The following TET2 variants were observed in gnomAD, a reference collection of about 807,000 sequenced individuals.
The protein encoded by TET2 is methylcytosine dioxygenase TET2.
A neutral mutation model predicts 142.9 loss-of-function variants in TET2; 299 were observed. The ratio of observed to expected loss-of-function variants is 2.09; its 90% CI spans 1.90 to 2.30. TET2 has a LOEUF of 2.30. TET2 is among the 30% of genes most tolerant of loss of function. The pLI is 0.00. For synonymous variants in TET2, 819 were observed against 849.0 expected, an observed-to-expected ratio of 0.96 and a Z score of 0.61; for missense variants, 2,418 against 2,378.0, an observed-to-expected ratio of 1.02 and a Z score of -0.35.
intron 6 of TET2, among the ~76,000 whole-genome samples, chr4:105,254,961 G>T (rs1472529757): frequency 1.3e-5 from 2 of 152,132 alleles, no homozygotes; most frequent in Non-Finnish European, 2.9e-5. Context: ...CCCAACACTG[G>T]TTCCTACAGA....
At position 105,276,067 on chromosome 4, in the gene TET2, A is replaced by T; in HGVS notation, c.5557A>T (p.Ser1853Cys). 6.4e-7 allele frequency: 1 copy of T among 1,551,708 alleles called. No individual in the cohort carries two copies. Among genetic ancestry groups the T allele is most frequent in the Non-Finnish European group, 8.7e-7 (1 of 1,146,980 alleles). The change falls in exon 11 of 11, where the codon AGC becomes TGC. Residue 1853 changes from serine to cysteine, a missense_variant. By Grantham distance (112) the Ser-to-Cys change is moderately radical. Coordinates refer to ENST00000380013, the MANE Select transcript of TET2 (RefSeq NM_001127208.3). The stretch of plus-strand genomic sequence containing the variant: ...TGAGGTCTGGTCAGACAGCGAGCAG[A>T]GCTTTCTGGATCCTGACATTGGGGG... ...NDEVWSDSEQ[S>C]FLDPDIGGVA...
At chr4:105,192,919 A>G (rs73836055) in intron 2 of TET2, among the ~76,000 whole-genome samples, 8,921 of 152,196 alleles carry the variant, frequency 0.059, 711 homozygotes, top group African/African-American at 0.18. Flanking sequence ...TAAAGATATA[A>G]AAACAAGCCA....
intron 5 of TET2, 64 bp downstream of exon 5, chr4:105,242,991 C>A: frequency 7.4e-7 from 1 of 1,353,132 alleles, no homozygotes; most frequent in Non-Finnish European, 1.0e-6. Flanking sequence ...TAAATCTGAC[C>A]CTGAGAATTG....
chr4:105,267,739 G>T (rs144514256), intron 8 of TET2, among the ~76,000 whole-genome samples: 2,089 of 150,710 alleles, frequency 0.014, 30 homozygotes, highest in Middle Eastern at 0.055. Context: ...TAATTATAAG[G>T]CAGAGCTTGT....
chr4:105,159,753 C>T (rs1355162488), intron 1 of TET2, among the ~76,000 whole-genome samples: 1 of 152,178 alleles, frequency 6.6e-6, no homozygotes, highest in African/African-American at 2.4e-5. Flanking sequence ...GGATGGCTCA[C>T]GCCTGTAATC....
chr4:105,161,367 G>A (rs1160494597), intron 1 of TET2, among the ~76,000 whole-genome samples: 2 of 152,192 alleles, frequency 1.3e-5, no homozygotes, highest in African/African-American at 4.8e-5. Flanking sequence ...TGCGATGAGA[G>A]TAGGTTGTAG....
intron 2 of TET2, among the ~76,000 whole-genome samples, chr4:105,231,860 C>T (rs1312088153): frequency 1.3e-5 from 2 of 152,140 alleles, no homozygotes; most frequent in Admixed American, 6.5e-5. Context: ...CTGAAATCTT[C>T]GTTAGTACTA....
intron 3 of TET2, chr4:105,239,129 G>A: frequency 4.4e-6 from 1 of 225,078 alleles, no homozygotes. Context: ...AAAATATTCA[G>A]TAAACTATGT....
Position 105,244,583 on chromosome 4 carries a change from AAT to A in TET2, c.3803+806_3803+807del, listed in dbSNP as rs1729481015. ...ATGAATGTTCACGGTGCTACACAGAAATGTTTTTTTTTTTTTTTTTTTTTTTT... is the reference window on the plus strand; with the variant it reads ...ATGAATGTTCACGGTGCTACACAGAAGTTTTTTTTTTTTTTTTTTTTTTTT... On this transcript the variant is annotated intron_variant, in intron 6 of 10. Coordinates refer to ENST00000380013, the MANE Select transcript of TET2 (RefSeq NM_001127208.3). Among the ~76,000 whole-genome samples the A allele has an allele frequency of 4.6e-5, 5 of 108,760 alleles. No homozygotes were observed. The South Asian group carries it at 1.3e-3, about 29-fold the overall frequency. The allele number at this position is 108,760 out of a possible 152,430, so 71.4% of individuals were successfully genotyped here.
intron 6 of TET2, among the ~76,000 whole-genome samples, chr4:105,249,243 T>G (rs1578701025): frequency 6.6e-6 from 1 of 152,290 alleles, no homozygotes; most frequent in Non-Finnish European, 1.5e-5. Context: ...GCTAGGCTGG[T>G]CTCAAACTCA....
At position 105,274,121 on chromosome 4, in the gene TET2, A is replaced by G. The variant is rs927874449; in HGVS notation, c.4538-927A>G. On this transcript the variant is annotated intron_variant, in intron 10 of 10. Coordinates refer to ENST00000380013, the MANE Select transcript of TET2 (RefSeq NM_001127208.3). The stretch of plus-strand genomic sequence containing the variant: ...TTGACTGGTTGACTTAACACTAAGT[A>G]AATACTGTTCACTTAGGTTAGCTGT... Among the ~76,000 whole-genome samples the G allele has an allele frequency of 2.0e-5, 3 of 152,244 alleles. No homozygotes were observed. The East Asian group carries it at 5.8e-4, about 29-fold the overall frequency.
At chr4:105,227,849 G>C (rs11947617) in intron 2 of TET2, among the ~76,000 whole-genome samples, 5,102 of 152,102 alleles carry the variant, frequency 0.034, 211 homozygotes, top group African/African-American at 0.094. Context: ...CTGAATAGCA[G>C]GTGAATAGCA....
In TET2 at chr4:105,234,635, T is replaced by C. The variant is rs1728722167; in HGVS notation, c.693T>C (p.Ser231=). ...GTGAACTCCTGGAAAAAACACTGTC[T>C]CAATATTATCCAGATTGTGTTTCCA... ...THGELLEKTL[S]QYYPDCVSIA... is the part of the protein sequence containing the mutation. The change falls in exon 3 of 11, where the codon TCT becomes TCC. Residue 231 remains serine, a synonymous_variant. Transcript: ENST00000380013. 2.5e-6 allele frequency: 4 copies of C among 1,614,020 alleles called. No homozygotes were observed. The highest frequency in any genetic ancestry group is 2.7e-5 in the African/African-American group (2 of 74,954).
intron 1 of TET2, among the ~76,000 whole-genome samples, chr4:105,187,892 G>C (rs957766605): frequency 2.0e-5 from 3 of 152,128 alleles, no homozygotes; most frequent in African/African-American, 7.2e-5. Flanking sequence ...TTGGAACCCT[G>C]ACACATTGCT....
chr4:105,279,511 C>T lies in TET2; in HGVS notation c.*2992C>T, dbSNP rs73838072. ...TGAATGAATTTTTCATCTTGATTGA[C>T]GCACAGTGATGTACAGTTCACTTCT... On this transcript the variant is annotated 3_prime_UTR_variant, in exon 11 of 11. Coordinates refer to ENST00000380013, the MANE Select transcript of TET2 (RefSeq NM_001127208.3). 1,964 of 232,520 alleles carry T rather than the reference C, an allele frequency of 8.4e-3. 32 individuals carry two copies. The highest frequency in any genetic ancestry group is 0.038 in the African/African-American group (1,736 of 45,410). 14.4% of individuals were successfully genotyped at this position (232,520 alleles called of 1,614,324 possible). A position where few individuals can be genotyped will look rare whatever the true frequency, so the allele number is the denominator to read the frequency against.
intron 9 of TET2, 21 bp from the exon 10 acceptor site, chr4:105,272,543 A>G: frequency 1.4e-6 from 2 of 1,452,866 alleles, no homozygotes; most frequent in Admixed American, 5.1e-5. Context: ...TTGAGGCTGT[A>G]ATGTCTTACT....
chr4:105,261,057 T>TTA (rs1224618270), intron 7 of TET2, among the ~76,000 whole-genome samples: 1 of 152,044 alleles, frequency 6.6e-6, no homozygotes, highest in Non-Finnish European at 1.5e-5. Context: ...TGCCAGGTGG[T>TTA]TATGTCTCAC....
intron 1 of TET2, among the ~76,000 whole-genome samples, chr4:105,174,114 C>T (rs1378739195): frequency 6.6e-6 from 1 of 151,978 alleles, no homozygotes; most frequent in East Asian, 1.9e-4. Context: ...CTATACTGTT[C>T]ATATATAAGT....
At chr4:105,266,945 A>G (rs1234102225) in intron 8 of TET2, among the ~76,000 whole-genome samples, 1 of 152,076 alleles carries the variant, frequency 6.6e-6, no homozygotes, top group Non-Finnish European at 1.5e-5. Flanking sequence ...AAAAATTTAT[A>G]ATCAACTTGC....
Sources: gnomAD v4.1 joint callset for allele counts (sites outside exome capture counted in the v4.1 genomes callset) on GRCh38, gnomAD v4.1.1 for gene constraint, MANE v1.5 for transcripts, NCBI Gene and HGNC (gene_info 2026-07-23, HGNC 2026-07-21) for gene names.